NBEA: variants seen among roughly 807,000 people sequenced by gnomAD.
NBEA encodes lysosomal-trafficking regulator 2.
A neutral mutation model predicts 343.4 loss-of-function variants in NBEA; 44 were observed. The observed-to-expected ratio is 0.13, with a 90% CI of 0.10 to 0.16. The LOEUF is 0.16. Among genes scored for constraint, NBEA ranks in the 10% least tolerant of loss-of-function variants. NBEA has a pLI of 1.00. For missense variants in NBEA, 2,555 were observed against 3,631.3 expected (o/e 0.70, Z 7.62); for synonymous variants, 1,175 against 1,238.7 (o/e 0.95, Z 1.08).
In NBEA at chr13:35,341,641, G is replaced by T. The variant is rs1310829678; in HGVS notation, c.5904-7467G>T. On this transcript the variant is annotated intron_variant, in intron 36 of 58. Coordinates refer to ENST00000379939, the MANE Select transcript of NBEA (RefSeq NM_001385012.1). The stretch of plus-strand genomic sequence containing the variant: ...CAGGTGGCCAATGGACACATGAAAA[G>T]ATTCTCAGAAATGCAAATCAAAACC... Among the ~76,000 whole-genome samples, 4 of 152,126 alleles carry T rather than the reference G, an allele frequency of 2.6e-5. No homozygotes were observed. In the East Asian group the frequency reaches 7.7e-4, roughly 29 times the overall value.
At chr13:35,651,109 A>G (rs932710764) in intron 52 of NBEA, among the ~76,000 whole-genome samples, 15 of 152,218 alleles carry the variant, frequency 9.9e-5, no homozygotes, top group African/African-American at 3.6e-4. Context: ...ATTGAGAAAA[A>G]CTACAAAGGA....
At position 35,418,892 on chromosome 13, in the gene NBEA, G is replaced by C. The variant is rs185626001; in HGVS notation, c.6180-13377G>C. Among the ~76,000 whole-genome samples the C allele has an allele frequency of 3.1e-3, 464 of 152,054 alleles. 3 individuals carry two copies. Among genetic ancestry groups the C allele is most frequent in the South Asian group, 0.02 (94 of 4,814 alleles). On this transcript the variant is annotated intron_variant, in intron 38 of 58. Coordinates refer to ENST00000379939, the MANE Select transcript of NBEA (RefSeq NM_001385012.1). ...TCCTTATATGAAACGCTTGGGGCCA[G>C]AGTGTTTTGAATTTAGGATTTTTTT...
At chr13:35,577,137 G>A (rs78016102) in intron 45 of NBEA, among the ~76,000 whole-genome samples, 20,392 of 152,048 alleles carry the variant, frequency 0.13, 1,516 homozygotes, top group East Asian at 0.28. Flanking sequence ...TTGTAACCCC[G>A]CTAGAAAAAG....
intron 24 of NBEA, 77 bp from the exon 25 acceptor site, chr13:35,168,910 G>GT: frequency 9.8e-7 from 1 of 1,015,474 alleles, no homozygotes; most frequent in Non-Finnish European, 1.3e-6. Context: ...ATTTTACATT[G>GT]TATTTTCATT....
chr13:35,033,559 G>C (rs995270766), intron 1 of NBEA, among the ~76,000 whole-genome samples: 1 of 151,880 alleles, frequency 6.6e-6, no homozygotes, highest in African/African-American at 2.4e-5. Flanking sequence ...TTGGTATTTT[G>C]ATAGGGATTG....
chr13:35,104,496 G>A (rs1263277794), intron 11 of NBEA, among the ~76,000 whole-genome samples: 1 of 151,962 alleles, frequency 6.6e-6, no homozygotes, highest in African/African-American at 2.4e-5. Flanking sequence ...TATATGAAAA[G>A]TCCTTGTATG....
At chr13:35,350,731 T>C (rs1233941224) in intron 37 of NBEA, among the ~76,000 whole-genome samples, 1 of 54,652 alleles carries the variant, frequency 1.8e-5, no homozygotes, top group East Asian at 4.3e-4. Context: ...GCTATTGATG[T>C]GTGTGTGTGT....
chr13:35,463,919 A>G (rs779696053), intron 40 of NBEA, among the ~76,000 whole-genome samples: 1 of 152,158 alleles, frequency 6.6e-6, no homozygotes, highest in Non-Finnish European at 1.5e-5. Context: ...ATTTCCAGAA[A>G]CTGCTGAAAA....
intron 34 of NBEA, among the ~76,000 whole-genome samples, chr13:35,280,012 T>A (rs2034933107): frequency 6.6e-6 from 1 of 152,194 alleles, no homozygotes; most frequent in Non-Finnish European, 1.5e-5. Context: ...TTTTCTAATT[T>A]TTAAATTATT....
intron 36 of NBEA, among the ~76,000 whole-genome samples, chr13:35,316,857 G>A (rs1281863583): frequency 6.6e-6 from 1 of 152,016 alleles, no homozygotes; most frequent in Non-Finnish European, 1.5e-5. Context: ...CTCTAATGAC[G>A]AGGGATGATG....
At chr13:35,090,055 T>G (rs2152625603) in intron 10 of NBEA, among the ~76,000 whole-genome samples, 1 of 41,286 alleles carries the variant, frequency 2.4e-5, no homozygotes, top group Non-Finnish European at 7.6e-5. Context: ...AAACTTAAAG[T>G]ATAATAAAAT....
chr13:35,209,104 A>T (rs528776953), intron 32 of NBEA, among the ~76,000 whole-genome samples: 1 of 152,130 alleles, frequency 6.6e-6, no homozygotes, highest in Non-Finnish European at 1.5e-5. Context: ...TTCAGAGTGA[A>T]ATCAGATTAC....
intron 33 of NBEA, among the ~76,000 whole-genome samples, chr13:35,213,626 T>A (rs535768115): frequency 7.0e-6 from 1 of 143,428 alleles, no homozygotes; most frequent in African/African-American, 2.5e-5. Context: ...TTTTTTTTAG[T>A]AATGATTTTT....
At chr13:35,606,342 A>G (rs2082279469) in intron 47 of NBEA, 84 bp from the exon 48 acceptor site, 3 of 661,662 alleles carry the variant, frequency 4.5e-6, no homozygotes, top group Non-Finnish European at 4.4e-6. Context: ...TATTCCATTT[A>G]TAGTTAATAA....
intron 47 of NBEA, among the ~76,000 whole-genome samples, chr13:35,599,141 A>G (rs2081938902): frequency 6.6e-6 from 1 of 152,040 alleles, no homozygotes; most frequent in South Asian, 2.1e-4. Context: ...TCCAATAACA[A>G]CTTCCTTGCT....
At chr13:35,358,043 A>G (rs1439766047) in intron 38 of NBEA, among the ~76,000 whole-genome samples, 1 of 151,976 alleles carries the variant, frequency 6.6e-6, no homozygotes, top group Non-Finnish European at 1.5e-5. Context: ...TTCAATTGAG[A>G]TGGAGTCTCA....
Position 35,159,477 on chromosome 13 carries a change from T to A in NBEA, c.3306T>A (p.Ala1102=), listed in dbSNP as rs1175604971. The change falls in exon 22 of 59, where the codon GCT becomes GCA. Residue 1102 remains alanine (A), a synonymous_variant. Coordinates refer to ENST00000379939, the MANE Select transcript of NBEA (RefSeq NM_001385012.1). ...CTCTGTTGGATAATGTATATAGTGC[T>A]GCTGTTGAGAAACTCCAGAACAATG... is the stretch of plus-strand genomic sequence containing the variant. The part of the protein sequence containing the change: ...VESLLDNVYS[A]AVEKLQNNVH... The A allele has an allele frequency of 1.9e-6, 3 of 1,613,382 alleles. No individual in the cohort carries two copies. The highest frequency in any genetic ancestry group is 2.5e-6 in the Non-Finnish European group (3 of 1,179,650).
At chr13:35,356,527 A>G (rs1224113487) in intron 38 of NBEA, among the ~76,000 whole-genome samples, 2 of 152,298 alleles carry the variant, frequency 1.3e-5, no homozygotes, top group South Asian at 4.1e-4. Context: ...TTCCATTGCT[A>G]ATCCAATGGG....
At chr13:35,527,566 G>C (rs1240959639) in intron 41 of NBEA, among the ~76,000 whole-genome samples, 4 of 152,204 alleles carry the variant, frequency 2.6e-5, no homozygotes, top group Admixed American at 6.5e-5. Flanking sequence ...GGCGGCGGAG[G>C]GCTGGCATGT....
Sources: allele counts gnomAD v4.1 joint callset (sites outside exome capture counted in the v4.1 genomes callset), GRCh38; gene constraint gnomAD v4.1.1; transcripts MANE v1.5; gene names NCBI Gene and HGNC (gene_info 2026-07-23, HGNC 2026-07-21).